MAF: variants seen among roughly 807,000 people sequenced by gnomAD.
MAF encodes the protein MAF bZIP transcription factor, also known as transcription factor Maf.
A neutral mutation model predicts 22.0 loss-of-function variants in MAF; 10 were observed. That is an observed-to-expected ratio of 0.45 (90% confidence interval 0.28 to 0.77). MAF has a LOEUF of 0.77. Ranked by LOEUF, MAF falls within the 30% of genes least tolerant of loss-of-function variation. The pLI is 0.12. For synonymous variants in MAF, 337 were observed against 255.8 expected, an observed-to-expected ratio of 1.32 and a Z score of -3.03; for missense variants, 544 against 548.4, an observed-to-expected ratio of 0.99 and a Z score of 0.08.
chr16:79,410,531 C>A, the MAF span, among the ~76,000 whole-genome samples: 1 of 152,124 alleles, frequency 6.6e-6, no homozygotes, highest in African/African-American at 2.4e-5. Context: ...TCGTGCCCTG[C>A]GCTGGGTACA....
intron 1 of MAF, chr16:79,597,576 G>C (rs1014103268): frequency 9.8e-7 from 1 of 1,022,746 alleles, no homozygotes; most frequent in Non-Finnish European, 1.2e-6. Context: ...TCAGTGCATT[G>C]GGAGGTTGAA....
the MAF span, among the ~76,000 whole-genome samples, chr16:79,358,441 C>A: frequency 1.3e-5 from 2 of 152,098 alleles, no homozygotes; most frequent in African/African-American, 4.8e-5. Flanking sequence ...TGATGACGTT[C>A]ATTTGGGAGA....
the MAF span, among the ~76,000 whole-genome samples, chr16:79,545,347 G>A: frequency 2.0e-5 from 3 of 152,118 alleles, no homozygotes; most frequent in African/African-American, 7.2e-5. Context: ...GCAGAACTGA[G>A]GGGGCCCATG....
the MAF span, among the ~76,000 whole-genome samples, chr16:79,499,475 A>G: frequency 5.9e-5 from 9 of 152,204 alleles, no homozygotes; most frequent in East Asian, 1.7e-3. Context: ...CTGAATGTTC[A>G]TGTTTCCCTA....
intron 1 of MAF, chr16:79,595,586 A>AAT: frequency 9.4e-7 from 1 of 1,059,398 alleles, no homozygotes; most frequent in Non-Finnish European, 1.1e-6. Flanking sequence ...GTCATTTAAA[A>AAT]ATAGGTCAGC....
At chr16:79,455,542 T>A in the MAF span, among the ~76,000 whole-genome samples, 1 of 152,204 alleles carries the variant, frequency 6.6e-6, no homozygotes, top group Non-Finnish European at 1.5e-5. Flanking sequence ...CCAGCCAACA[T>A]ACCTCAAGAA....
the MAF span, among the ~76,000 whole-genome samples, chr16:79,219,822 A>G: frequency 0.056 from 8,591 of 152,200 alleles, 551 homozygotes; most frequent in African/African-American, 0.16. Flanking sequence ...TAAGCTGAAC[A>G]AGTGGGAATT....
the MAF span, among the ~76,000 whole-genome samples, chr16:79,495,756 G>A: frequency 6.6e-6 from 1 of 152,122 alleles, no homozygotes; most frequent in African/African-American, 2.4e-5. Context: ...ATTAAGACAT[G>A]CATGGGACTT....
chr16:79,531,973 G>A, the MAF span, among the ~76,000 whole-genome samples: 2,039 of 152,232 alleles, frequency 0.013, 24 homozygotes, highest in Non-Finnish European at 0.021. Flanking sequence ...CTCCTCTTAG[G>A]AACATGCCCC....
the MAF span, among the ~76,000 whole-genome samples, chr16:79,240,419 C>T: frequency 7.1e-6 from 1 of 141,474 alleles, no homozygotes; most frequent in East Asian, 2.3e-4. Flanking sequence ...CTCTAGCCAA[C>T]ATCATCTTCC....
the MAF span, among the ~76,000 whole-genome samples, chr16:79,277,302 C>T: frequency 2.0e-5 from 3 of 152,128 alleles, no homozygotes; most frequent in Non-Finnish European, 4.4e-5. Flanking sequence ...GCTAGGACCT[C>T]AGTATGACTT....
chr16:79,546,811 C>A, the MAF span, among the ~76,000 whole-genome samples: 1 of 152,114 alleles, frequency 6.6e-6, no homozygotes, highest in Non-Finnish European at 1.5e-5. Context: ...TTTAACCCAA[C>A]AACTGACCAA....
the MAF span, among the ~76,000 whole-genome samples, chr16:79,304,545 C>T: frequency 0.33 from 50,583 of 151,904 alleles, 11,355 homozygotes; most frequent in East Asian, 0.7. Context: ...AGAACTAGCC[C>T]TTTTGATTCC....
chr16:79,271,664 T>C, the MAF span, among the ~76,000 whole-genome samples: 3 of 152,238 alleles, frequency 2.0e-5, no homozygotes, highest in Admixed American at 2.0e-4. Context: ...TGAAGAACTA[T>C]CAATATCCAT....
chr16:79,308,993 G>A, the MAF span, among the ~76,000 whole-genome samples: 17 of 152,200 alleles, frequency 1.1e-4, no homozygotes, highest in African/African-American at 4.1e-4. Flanking sequence ...GTAACATAAT[G>A]TGAACAGTAG....
the MAF span, among the ~76,000 whole-genome samples, chr16:79,571,111 T>TA: frequency 0.3 from 42,029 of 142,382 alleles, 6,451 homozygotes; most frequent in Non-Finnish European, 0.37. Context: ...CATTTCCAGT[T>TA]AAAAAAAAAA....
At chr16:79,403,374 C>T in the MAF span, among the ~76,000 whole-genome samples, 21 of 152,082 alleles carry the variant, frequency 1.4e-4, no homozygotes, top group African/African-American at 5.1e-4. Context: ...ACCTAAGAGG[C>T]GAAGAAGAAA....
chr16:79,557,606 G>C, the MAF span, among the ~76,000 whole-genome samples: 1 of 152,044 alleles, frequency 6.6e-6, no homozygotes, highest in South Asian at 2.1e-4. Flanking sequence ...GCTCAATAGA[G>C]ATACTAATAG....
chr16:79,226,688 T>A, the MAF span, among the ~76,000 whole-genome samples: 117 of 152,106 alleles, frequency 7.7e-4, no homozygotes, highest in African/African-American at 2.7e-3. Context: ...TAATAATGTT[T>A]ATCTCTGGGT....
Sources: allele counts gnomAD v4.1 joint callset (sites outside exome capture counted in the v4.1 genomes callset), GRCh38; gene constraint gnomAD v4.1.1; transcripts MANE v1.5; gene names NCBI Gene and HGNC (gene_info 2026-07-23, HGNC 2026-07-21).